Variants in AGBL1 observed in about 807,000 individuals in gnomAD.
AGBL1 encodes cytosolic carboxypeptidase 4.
AGBL1 carries 130 observed loss-of-function variants against 118.9 expected under a neutral mutation model. The ratio of observed to expected loss-of-function variants is 1.09; its 90% CI spans 0.95 to 1.26. AGBL1 has a LOEUF of 1.26. Among genes scored for constraint, AGBL1 ranks in the 50% most tolerant of loss-of-function variants. The probability of loss-of-function intolerance (pLI) is 0.00; values close to 1 mark genes in which losing one functional copy is unlikely to be tolerated. For missense variants in AGBL1, 1,584 were observed against 1,298.1 expected (o/e 1.22, Z -3.38); for synonymous variants, 555 against 478.9 (o/e 1.16, Z -2.08).
At chr15:86,211,613 A>G (rs888539699) in intron 5 of AGBL1, among the ~76,000 whole-genome samples, 1 of 152,240 alleles carries the variant, frequency 6.6e-6, no homozygotes, top group African/African-American at 2.4e-5. Context: ...GCTAGCAGTG[A>G]GCAAGGATCT....
chr15:86,858,865 T>G (rs548888400), intron 22 of AGBL1, among the ~76,000 whole-genome samples: 1 of 152,310 alleles, frequency 6.6e-6, no homozygotes, highest in South Asian at 2.1e-4. Flanking sequence ...TGTGTCTTTC[T>G]TATCAGGCCT....
intron 17 of AGBL1, among the ~76,000 whole-genome samples, chr15:86,326,726 G>C (rs955128978): frequency 6.6e-6 from 1 of 152,118 alleles, no homozygotes; most frequent in Non-Finnish European, 1.5e-5. Flanking sequence ...AACAGCATTT[G>C]AGCAACCTTC....
intron 1 of AGBL1, among the ~76,000 whole-genome samples, chr15:86,135,058 C>G (rs1351804843): frequency 6.6e-6 from 1 of 152,106 alleles, no homozygotes; most frequent in Non-Finnish European, 1.5e-5. Flanking sequence ...ACAGAGTAGG[C>G]ATTCAGGAAA....
At chr15:86,326,942 T>A (rs1481031342) in intron 17 of AGBL1, among the ~76,000 whole-genome samples, 2 of 150,520 alleles carry the variant, frequency 1.3e-5, no homozygotes, top group South Asian at 2.1e-4. Context: ...TTTTTTTTTT[T>A]AATTTTGCAC....
intron 22 of AGBL1, among the ~76,000 whole-genome samples, chr15:86,706,260 T>TA (rs1387399616): frequency 5.9e-5 from 9 of 151,986 alleles, no homozygotes; most frequent in Non-Finnish European, 8.8e-5. Context: ...AATAAAAACT[T>TA]AAAAAATATT....
intron 17 of AGBL1, among the ~76,000 whole-genome samples, chr15:86,380,027 T>C (rs543808164): frequency 6.6e-6 from 1 of 152,342 alleles, no homozygotes; most frequent in African/African-American, 2.4e-5. Flanking sequence ...CACAATCCTT[T>C]GGCATGGTCT....
intron 17 of AGBL1, among the ~76,000 whole-genome samples, chr15:86,348,215 A>G (rs1318363072): frequency 6.6e-6 from 1 of 152,242 alleles, no homozygotes; most frequent in African/African-American, 2.4e-5. Flanking sequence ...GAATAAGAAA[A>G]TAAAAGGAGG....
intron 23 of AGBL1, among the ~76,000 whole-genome samples, chr15:86,987,633 A>G (rs2081298111): frequency 6.6e-6 from 1 of 152,108 alleles, no homozygotes; most frequent in Non-Finnish European, 1.5e-5. Context: ...TATCATTAAT[A>G]GGTATTGGAA....
At chr15:86,515,970 T>C (rs1247177607) in intron 18 of AGBL1, among the ~76,000 whole-genome samples, 1 of 152,156 alleles carries the variant, frequency 6.6e-6, no homozygotes, top group Non-Finnish European at 1.5e-5. Flanking sequence ...TGTACATTGA[T>C]TGGGTTCAGA....
At chr15:86,361,951 G>A (rs1407382170) in intron 17 of AGBL1, among the ~76,000 whole-genome samples, 2 of 152,020 alleles carry the variant, frequency 1.3e-5, no homozygotes. Flanking sequence ...TTTTTTGATA[G>A]GTAAGGACTT....
intron 1 of AGBL1, among the ~76,000 whole-genome samples, chr15:86,085,350 G>A (rs185779965): frequency 1.2e-4 from 19 of 152,236 alleles, no homozygotes; most frequent in East Asian, 1.9e-4. Flanking sequence ...TAAAATGACA[G>A]TTCATGAAGG....
intron 7 of AGBL1, among the ~76,000 whole-genome samples, chr15:86,248,788 A>G (rs752673283): frequency 2.0e-5 from 3 of 152,222 alleles, no homozygotes; most frequent in Non-Finnish European, 4.4e-5. Context: ...AGATAATTTC[A>G]TATCGCACTG....
chr15:86,663,892 C>T (rs1255104279), intron 21 of AGBL1, among the ~76,000 whole-genome samples: 2 of 152,082 alleles, frequency 1.3e-5, no homozygotes, highest in Non-Finnish European at 2.9e-5. Context: ...TCTAGGCTAC[C>T]TAATGATATA....
intron 22 of AGBL1, among the ~76,000 whole-genome samples, chr15:86,734,326 G>A (rs1170329739): frequency 6.6e-6 from 1 of 152,164 alleles, no homozygotes; most frequent in Non-Finnish European, 1.5e-5. Context: ...AATGGCTAGA[G>A]TGGTAATGAA....
chr15:86,611,946 T>A (rs939542453), intron 21 of AGBL1, among the ~76,000 whole-genome samples: 3 of 152,176 alleles, frequency 2.0e-5, no homozygotes, highest in African/African-American at 7.2e-5. Flanking sequence ...GCTGTGAGTG[T>A]TCTGCTCAGT....
chr15:86,924,981 A>T (rs528247037), intron 23 of AGBL1, among the ~76,000 whole-genome samples: 17 of 151,950 alleles, frequency 1.1e-4, no homozygotes, highest in Non-Finnish European at 2.5e-4. Context: ...GGGCACCTGT[A>T]GTCCCAGCTA....
chr15:86,911,090 G>C lies in AGBL1; in HGVS notation c.*3796G>C, dbSNP rs1377671411. On this transcript the variant is annotated 3_prime_UTR_variant, in exon 23 of 23. Transcript: ENST00000614907. Reference sequence around the variant, plus strand: ...ACTAAGATGACCCAAGAATTCCAAGGAGTTGTAGGCCATAATGGGAAGCAA... The same window carrying C: ...ACTAAGATGACCCAAGAATTCCAAGCAGTTGTAGGCCATAATGGGAAGCAA... 1 of 152,292 alleles carries C rather than the reference G, an allele frequency of 6.6e-6. No homozygotes were observed. The highest frequency in any genetic ancestry group is 6.5e-5 in the Admixed American group (1 of 15,280). The allele number at this position is 152,292 out of a possible 1,614,324, so 9.4% of individuals were successfully genotyped here.
chr15:86,145,140 G>T (rs1404644289), intron 3 of AGBL1, among the ~76,000 whole-genome samples: 4 of 152,072 alleles, frequency 2.6e-5, no homozygotes, highest in Non-Finnish European at 4.4e-5. Context: ...AGGATTTAGG[G>T]CCCACTCTAA....
At chr15:87,017,580 A>G (rs748340721) in intron 24 of AGBL1, among the ~76,000 whole-genome samples, 14 of 152,190 alleles carry the variant, frequency 9.2e-5, no homozygotes, top group Admixed American at 5.2e-4. Flanking sequence ...AAAGTAAAAC[A>G]GACAAACAGA....
Sources: gnomAD v4.1 joint callset for allele counts (sites outside exome capture counted in the v4.1 genomes callset) on GRCh38, gnomAD v4.1.1 for gene constraint, MANE v1.5 for transcripts, NCBI Gene and HGNC (gene_info 2026-07-23, HGNC 2026-07-21) for gene names.